Variants in PTPRR observed in about 807,000 individuals in gnomAD.
The protein encoded by PTPRR is receptor-type tyrosine-protein phosphatase R.
A neutral mutation model predicts 77.2 loss-of-function variants in PTPRR; 38 were observed. The ratio of observed to expected loss-of-function variants is 0.49; its 90% CI spans 0.38 to 0.65. PTPRR has a LOEUF of 0.65. PTPRR is among the 30% of genes least tolerant of loss of function. The pLI is 0.00. For synonymous variants in PTPRR, 299 were observed against 283.1 expected (o/e 1.06, Z -0.57); for missense variants, 744 against 799.2 (o/e 0.93, Z 0.83).
intron 1 of PTPRR, among the ~76,000 whole-genome samples, chr12:70,913,248 C>T (rs542630939): frequency 2.0e-5 from 3 of 152,146 alleles, no homozygotes; most frequent in Non-Finnish European, 4.4e-5. Context: ...TCTATAAAGA[C>T]TGTATACACA....
At chr12:70,693,260 C>G (rs781087864) in intron 8 of PTPRR, among the ~76,000 whole-genome samples, 2 of 152,152 alleles carry the variant, frequency 1.3e-5, no homozygotes, top group Non-Finnish European at 2.9e-5. Context: ...ACAGTATTTT[C>G]CAAGTATTTA....
chr12:70,797,354 T>C (rs1891534079), intron 2 of PTPRR, among the ~76,000 whole-genome samples: 1 of 152,158 alleles, frequency 6.6e-6, no homozygotes, highest in Non-Finnish European at 1.5e-5. Context: ...TCAAGAATTT[T>C]CTTCCCTTTT....
intron 1 of PTPRR, among the ~76,000 whole-genome samples, chr12:70,917,322 T>G (rs1055365697): frequency 6.6e-6 from 1 of 152,320 alleles, no homozygotes; most frequent in East Asian, 1.9e-4. Context: ...CCTCACCTAT[T>G]GTAGAACCAG....
At position 70,795,007 on chromosome 12, in the gene PTPRR, G is replaced by C. The variant is rs533415850; in HGVS notation, c.358-30229C>G. Among the ~76,000 whole-genome samples, 5 of 152,280 alleles carry C rather than the reference G, an allele frequency of 3.3e-5. No homozygotes were observed. In the South Asian group the frequency reaches 1.0e-3, roughly 32 times the overall value. On this transcript the variant is annotated intron_variant, in intron 2 of 13. Coordinates refer to ENST00000283228, the MANE Select transcript of PTPRR (RefSeq NM_002849.4). The stretch of plus-strand genomic sequence containing the variant: ...AAGGGCTAGAGATCTAGTGATAGTT[G>C]ATGTGTAGAGGTGTGGTAAGAGAGA...
intron 10 of PTPRR, among the ~76,000 whole-genome samples, chr12:70,665,759 A>T (rs1441096015): frequency 6.6e-6 from 1 of 151,554 alleles, no homozygotes; most frequent in Non-Finnish European, 1.5e-5. Context: ...CTATGTGAGG[A>T]GGCGGTCTAG....
intron 2 of PTPRR, among the ~76,000 whole-genome samples, chr12:70,856,380 G>A (rs894451151): frequency 2.0e-5 from 3 of 152,114 alleles, no homozygotes; most frequent in Non-Finnish European, 4.4e-5. Flanking sequence ...CAGATGCAGT[G>A]GCAGATACAC....
At chr12:70,652,459 C>T (rs1886431628) in intron 13 of PTPRR, among the ~76,000 whole-genome samples, 1 of 152,070 alleles carries the variant, frequency 6.6e-6, no homozygotes, top group South Asian at 2.1e-4. Flanking sequence ...GAGGAAAGAC[C>T]TTTCAAAGGA....
intron 6 of PTPRR, among the ~76,000 whole-genome samples, chr12:70,726,895 G>A (rs778865152): frequency 5.3e-5 from 8 of 151,996 alleles, no homozygotes; most frequent in Non-Finnish European, 1.0e-4. Context: ...TTTACAAAAT[G>A]CATTTCTTCC....
At chr12:70,783,866 G>GAC (rs1313272876) in intron 2 of PTPRR, among the ~76,000 whole-genome samples, 3,309 of 123,830 alleles carry the variant, frequency 0.027, 259 homozygotes, top group African/African-American at 0.1. Flanking sequence ...GGGGGGACGG[G>GAC]GGGGGGGGGC....
intron 2 of PTPRR, among the ~76,000 whole-genome samples, chr12:70,883,655 T>C (rs1893186939): frequency 6.6e-6 from 1 of 152,186 alleles, no homozygotes; most frequent in Non-Finnish European, 1.5e-5. Flanking sequence ...TAAATGTCAG[T>C]AGAAACCGTG....
At chr12:70,657,633 C>A (rs1370940036) in intron 12 of PTPRR, among the ~76,000 whole-genome samples, 1 of 152,186 alleles carries the variant, frequency 6.6e-6, no homozygotes. Context: ...CTCCTCCTTA[C>A]TATTTTGGAC....
chr12:70,870,210 G>A (rs765005721), intron 2 of PTPRR, among the ~76,000 whole-genome samples: 4 of 152,124 alleles, frequency 2.6e-5, no homozygotes, highest in Non-Finnish European at 5.9e-5. Context: ...GCCCACAGAT[G>A]AAAGGGGATG....
At chr12:70,660,178 T>TA (rs1886744238) in intron 12 of PTPRR, among the ~76,000 whole-genome samples, 2 of 141,050 alleles carry the variant, frequency 1.4e-5, no homozygotes, top group South Asian at 2.3e-4. Context: ...CTCTGTCTCA[T>TA]AATAAATAAA....
intron 2 of PTPRR, among the ~76,000 whole-genome samples, chr12:70,787,572 A>T (rs1022075467): frequency 6.6e-5 from 10 of 151,686 alleles, no homozygotes; most frequent in Non-Finnish European, 2.9e-5. Flanking sequence ...CACTAAAAAA[A>T]CTTTCCTTTC....
intron 8 of PTPRR, among the ~76,000 whole-genome samples, chr12:70,693,747 C>T (rs567690909): frequency 2.0e-4 from 31 of 151,768 alleles, no homozygotes; most frequent in African/African-American, 7.0e-4. Flanking sequence ...GTATAATCAT[C>T]ATCGTTTTCA....
intron 6 of PTPRR, among the ~76,000 whole-genome samples, chr12:70,707,867 T>C (rs977934982): frequency 6.6e-6 from 1 of 152,062 alleles, no homozygotes; most frequent in Non-Finnish European, 1.5e-5. Flanking sequence ...CACTGGAATA[T>C]CTGAGCACTG....
At chr12:70,770,084 A>G (rs1481387918) in intron 2 of PTPRR, among the ~76,000 whole-genome samples, 1 of 151,250 alleles carries the variant, frequency 6.6e-6, no homozygotes, top group African/African-American at 2.4e-5. Flanking sequence ...ATTACCATTC[A>G]GGACATAGGC....
At chr12:70,849,425 G>C (rs1239310011) in intron 2 of PTPRR, among the ~76,000 whole-genome samples, 7 of 152,126 alleles carry the variant, frequency 4.6e-5, no homozygotes, top group Admixed American at 4.6e-4. Flanking sequence ...CGTTTTGTCA[G>C]TTTGTAGTTG....
intron 2 of PTPRR, among the ~76,000 whole-genome samples, chr12:70,779,887 A>G (rs2136996178): frequency 6.6e-6 from 1 of 152,342 alleles, no homozygotes; most frequent in South Asian, 2.1e-4. Context: ...GAATTGATTT[A>G]GCATAATTTG....
Sources: allele counts gnomAD v4.1 joint callset (sites outside exome capture counted in the v4.1 genomes callset), GRCh38; gene constraint gnomAD v4.1.1; transcripts MANE v1.5; gene names NCBI Gene and HGNC (gene_info 2026-07-23, HGNC 2026-07-21).